Variants in PCNX2 observed in about 807,000 individuals in gnomAD.
PCNX2 encodes the protein pecanex-like protein 2.
A neutral mutation model predicts 223.8 loss-of-function variants in PCNX2; 168 were observed. The ratio of observed to expected loss-of-function variants is 0.75; its 90% CI spans 0.66 to 0.85. PCNX2 has a LOEUF of 0.85. Among genes scored for constraint, PCNX2 ranks in the 40% least tolerant of loss-of-function variants. PCNX2 has a pLI of 0.00. For missense variants in PCNX2, 2,507 were observed against 2,675.5 expected (o/e 0.94, Z 1.39); for synonymous variants, 1,006 against 1,052.6 (o/e 0.96, Z 0.86).
In PCNX2 at chr1:232,986,458, G is replaced by A; in HGVS notation, c.5874C>T (p.Pro1958=). ...QRPPMLSSSG[P]ILESRQTFLQ... ...GGAATGTTTGGCGGCTCTCTAAGAT[G>A]GGGCCAGATGAGCTCAGCATGGGCG... Residue 1958 remains proline (P), a synonymous_variant, in exon 33 of 34, where the codon CCC becomes CCT. Transcript: ENST00000258229. 6.2e-7 allele frequency: 1 copy of A among 1,605,256 alleles called. No individual in the cohort carries two copies. The highest frequency in any genetic ancestry group is 2.2e-5 in the East Asian group (1 of 44,644).
Position 233,017,157 on chromosome 1 carries a change from G to A in PCNX2, c.4606-3C>T. On this transcript the variant is annotated splice_polypyrimidine_tract_variant and splice_region_variant and intron_variant, in intron 26 of 33. Coordinates refer to ENST00000258229, the MANE Select transcript of PCNX2 (RefSeq NM_014801.4). ...GTTACCATATAGTATATTATACTCT[G>A]CAGAGAAAAAGCCAGGAAGATTTTA... is the stretch of plus-strand genomic sequence containing the variant. The A allele has an allele frequency of 1.3e-6, 2 of 1,581,066 alleles. No individual in the cohort carries two copies. Among genetic ancestry groups the A allele is most frequent in the Non-Finnish European group, 1.7e-6 (2 of 1,152,968 alleles).
At chr1:233,117,889 AG>A (rs1675515206) in intron 21 of PCNX2, among the ~76,000 whole-genome samples, 1 of 149,056 alleles carries the variant, frequency 6.7e-6, no homozygotes, top group African/African-American at 2.5e-5. Flanking sequence ...GGGCGCCTGT[AG>A]TCCCAGCTAC....
rs1233935057 is a variant in PCNX2, at chr1:233,237,070, C to T, written c.2223-90G>A. On this transcript the variant is annotated intron_variant, in intron 8 of 33. Transcript: ENST00000258229. ...CACAAACACAAGGACAATAGGAATG[C>T]CCAAAGCAGGTAGTGGATGAGACTT... 6 of 1,518,138 alleles carry T rather than the reference C, an allele frequency of 4.0e-6. No homozygotes were observed. The Admixed American group carries it at 9.6e-5, about 24-fold the overall frequency. 94.0% of individuals were successfully genotyped at this position (1,518,138 alleles called of 1,614,324 possible).
chr1:233,202,116 A>G (rs1160090083), intron 13 of PCNX2: 1 of 455,976 alleles, frequency 2.2e-6, no homozygotes, highest in Non-Finnish European at 4.5e-6. Context: ...GTTGCAGTGA[A>G]CGTGAAGGAA....
Position 233,252,716 on chromosome 1 carries a change from C to T in PCNX2, c.1907G>A (p.Gly636Glu), listed in dbSNP as rs1188768216. Residue 636 changes from glycine (G) to glutamate (E), a missense_variant, in exon 6 of 34, where the codon GGA becomes GAA. Gly to Glu is a moderately conservative substitution (Grantham distance 98). Around this residue, in one of 3 missense-constraint regions of PCNX2, gnomAD observed 1,031 missense variants for 1,021.7 expected, o/e 1.01. Coordinates refer to ENST00000258229, the MANE Select transcript of PCNX2 (RefSeq NM_014801.4). ...EKPSGHSSKQ[G>E]KPDLQSQDHT... ...GTCTTGACTTTGCAAATCTGGTTTT[C>T]CTTGCTTAGAACTGTGTCCACTGGG... 6.2e-7 allele frequency: 1 copy of T among 1,613,908 alleles called. No homozygotes were observed. Among genetic ancestry groups the T allele is most frequent in the Non-Finnish European group, 8.5e-7 (1 of 1,179,866 alleles).
intron 21 of PCNX2, among the ~76,000 whole-genome samples, chr1:233,134,144 C>T (rs949174061): frequency 1.3e-5 from 2 of 152,054 alleles, no homozygotes; most frequent in African/African-American, 4.8e-5. Context: ...AGTCAGTCTC[C>T]AGAAGAAACC....
At chr1:233,089,922 C>T in intron 23 of PCNX2, 139 bp downstream of exon 23, 2 of 1,472,788 alleles carry the variant, frequency 1.4e-6, no homozygotes, top group Non-Finnish European at 8.9e-7. Flanking sequence ...CTGAGGAGGT[C>T]ATCAAGAGAG....
At chr1:233,109,080 A>G (rs1285120954) in intron 21 of PCNX2, among the ~76,000 whole-genome samples, 2 of 152,214 alleles carry the variant, frequency 1.3e-5, no homozygotes, top group African/African-American at 4.8e-5. Flanking sequence ...CCAGGAATTC[A>G]GGGTCCATGA....
chr1:233,293,175 C>T (rs1572216970), intron 1 of PCNX2, among the ~76,000 whole-genome samples: 1 of 151,964 alleles, frequency 6.6e-6, no homozygotes, highest in African/African-American at 2.4e-5. Context: ...AAAAATGAGC[C>T]CATATGCATA....
intron 23 of PCNX2, among the ~76,000 whole-genome samples, chr1:233,079,629 A>C (rs1673266023): frequency 6.6e-6 from 1 of 151,966 alleles, no homozygotes; most frequent in African/African-American, 2.4e-5. Flanking sequence ...GTGACAGAAA[A>C]CTCAACTCAA....
In PCNX2 at chr1:233,097,233, A is replaced by T. The variant is rs1159359912; in HGVS notation, c.3838-1370T>A. The stretch of plus-strand genomic sequence containing the variant: ...CAAACCTAGCACTGAGTTTTAGGTG[A>T]AAGCTGAAGAATTTTAGATAGAAGA... On this transcript the variant is annotated intron_variant, in intron 21 of 33. Coordinates refer to ENST00000258229, the MANE Select transcript of PCNX2 (RefSeq NM_014801.4). 2.0e-5 allele frequency among the ~76,000 whole-genome samples: 3 copies of T among 152,220 alleles called. No individual in the cohort carries two copies. The East Asian group carries it at 5.8e-4, about 29-fold the overall frequency.
intron 15 of PCNX2, among the ~76,000 whole-genome samples, chr1:233,188,679 T>C (rs1319449761): frequency 6.6e-6 from 1 of 152,040 alleles, no homozygotes; most frequent in African/African-American, 2.4e-5. Context: ...CACGCCACCA[T>C]GCCCAACTAA....
In PCNX2 at chr1:233,200,226, G is replaced by C; in HGVS notation, c.2902C>G (p.Leu968Val). Residue 968 changes from leucine (L) to valine (V), a missense_variant, in exon 14 of 34, where the codon CTC (leucine) becomes GTC (valine). Physicochemically the swap from Leu to Val is conservative, Grantham distance 32 (BLOSUM62 1). Around this residue, in one of 3 missense-constraint regions of PCNX2, gnomAD observed 1,372 missense variants for 1,509.4 expected, o/e 0.91. Transcript: ENST00000258229. Reference protein sequence around the residue: ...YCFPAISLLGLFPQINTFCTY... With the variant: ...YCFPAISLLGVFPQINTFCTY... ...CAGAAAGTGTTGATTTGCGGGAAGAGCCCAAGGAGGGAAATAGCAGGGAAG... is the reference window on the plus strand; with the variant it reads ...CAGAAAGTGTTGATTTGCGGGAAGACCCCAAGGAGGGAAATAGCAGGGAAG... 2 of 1,590,750 alleles carry C rather than the reference G, an allele frequency of 1.3e-6. No homozygotes were observed. The highest frequency in any genetic ancestry group is 4.5e-5 in the East Asian group (2 of 44,154).
chr1:233,164,436 G>A (rs1678672821), intron 17 of PCNX2, among the ~76,000 whole-genome samples: 1 of 151,986 alleles, frequency 6.6e-6, no homozygotes, highest in African/African-American at 2.4e-5. Context: ...TTCCACTACT[G>A]TGTGTTTTTC....
At chr1:233,175,168 G>A (rs551640367) in intron 17 of PCNX2, among the ~76,000 whole-genome samples, 3 of 152,078 alleles carry the variant, frequency 2.0e-5, no homozygotes, top group African/African-American at 4.8e-5. Context: ...AATGGGAGGG[G>A]GGTTTATGCT....
intron 4 of PCNX2, among the ~76,000 whole-genome samples, chr1:233,260,347 C>G (rs1659981281): frequency 6.6e-6 from 1 of 151,932 alleles, no homozygotes; most frequent in East Asian, 1.9e-4. Context: ...AAGGCCAGAC[C>G]AGATATTCAA....
chr1:233,222,828 T>G (rs985591715), intron 10 of PCNX2, among the ~76,000 whole-genome samples: 15 of 152,150 alleles, frequency 9.9e-5, no homozygotes, highest in Non-Finnish European at 1.2e-4. Context: ...TGGAGCAGGC[T>G]TGGGTGAGGC....
chr1:233,265,264 T>C (rs6663095), intron 1 of PCNX2, among the ~76,000 whole-genome samples: 1 of 151,308 alleles, frequency 6.6e-6, no homozygotes, highest in South Asian at 2.1e-4. Context: ...AAAGGAATTA[T>C]ATTCAAGAGA....
rs372502929 is a variant in PCNX2 at position 233,034,534 on chromosome 1, C to T, written c.4352-9135G>A. 1.7e-4 allele frequency among the ~76,000 whole-genome samples: 26 copies of T among 152,306 alleles called. No homozygotes were observed. The South Asian group carries it at 5.0e-3, about 29-fold the overall frequency. On this transcript the variant is annotated intron_variant, in intron 25 of 33. Transcript: ENST00000258229. ...CTGAACTAAGACAATTTATCTTCATCTAGTTTTGACAATTCTTAAGTATTG... is the reference window on the plus strand; with the variant it reads ...CTGAACTAAGACAATTTATCTTCATTTAGTTTTGACAATTCTTAAGTATTG...
Sources: allele counts gnomAD v4.1 joint callset (sites outside exome capture counted in the v4.1 genomes callset), GRCh38; gene constraint gnomAD v4.1.1; regional missense constraint gnomAD v4.1.1; transcripts MANE v1.5; gene names NCBI Gene and HGNC (gene_info 2026-07-23, HGNC 2026-07-21).